Variants in SEC24A observed in about 807,000 individuals in gnomAD.
SEC24A encodes SEC24 homolog A, COPII component, also known as protein transport protein Sec24A.
In SEC24A, 93 loss-of-function variants were observed where a neutral mutation model predicts 129.4. The ratio of observed to expected loss-of-function variants is 0.72; its 90% confidence interval spans 0.61 to 0.85. The LOEUF is 0.85. Ranked by LOEUF, SEC24A falls within the 40% of genes least tolerant of loss-of-function variation. SEC24A has a pLI of 0.00. For missense variants in SEC24A, 1,264 were observed against 1,307.4 expected, an observed-to-expected ratio of 0.97 and a Z score of 0.51; for synonymous variants, 460 against 467.3, an observed-to-expected ratio of 0.98 and a Z score of 0.20.
intron 15 of SEC24A, 70 bp downstream of exon 15, chr5:134,698,127 C>T (rs1751885611): frequency 1.5e-6 from 2 of 1,298,428 alleles, no homozygotes; most frequent in Non-Finnish European, 2.1e-6. Context: ...ATGTTTTTAT[C>T]TGGTCTTATA....
chr5:134,705,480 AT>A, intron 17 of SEC24A, 43 bp downstream of exon 17: 1 of 1,255,576 alleles, frequency 8.0e-7, no homozygotes, highest in Non-Finnish European at 1.2e-6. Context: ...AAGTAATAAC[AT>A]TAGGCACATC....
intron 17 of SEC24A, among the ~76,000 whole-genome samples, chr5:134,707,578 C>T (rs928505067): frequency 1.9e-4 from 29 of 152,140 alleles, no homozygotes; most frequent in African/African-American, 7.0e-4. Context: ...ATCCACCCGC[C>T]TCGGCCTGCC....
chr5:134,723,585 G>A lies in SEC24A; in HGVS notation c.3082G>A (p.Asp1028Asn). ...PQPMTDLPEL[D>N]TPESARIIAF... ...TTAACAGACAGACCTTCCAGAACTT[G>A]ATACACCAGAATCTGCCAGAATAAT... The change falls in exon 22 of 23, where the codon GAT becomes AAT. Residue 1028 changes from aspartate (D) to asparagine (N), a missense_variant. By Grantham distance (23) the Asp-to-Asn change is conservative. Transcript: ENST00000398844. 1 of 1,612,284 alleles carries A rather than the reference G, an allele frequency of 6.2e-7. No homozygotes were observed. The highest frequency in any genetic ancestry group is 1.1e-5 in the South Asian group (1 of 90,990).
chr5:134,711,563 CTT>C lies in SEC24A; in HGVS notation c.2727+2696_2727+2697del, dbSNP rs11306983. ...AGAAAAATAAAGGACTGCTCTGCATCTTTTTTTTTTTTTTTTTTTTTTAACAG... is the reference window on the plus strand; with the variant it reads ...AGAAAAATAAAGGACTGCTCTGCATCTTTTTTTTTTTTTTTTTTTTAACAG... On this transcript the variant is annotated intron_variant, in intron 18 of 22. Coordinates refer to ENST00000398844, the MANE Select transcript of SEC24A (RefSeq NM_021982.3). Among the ~76,000 whole-genome samples, 909 of 125,372 alleles carry C rather than the reference CTT, an allele frequency of 7.3e-3. 12 individuals carry two copies. The highest frequency in any genetic ancestry group is 0.012 in the African/African-American group (401 of 34,082). 82.2% of individuals were successfully genotyped at this position (125,372 alleles called of 152,430 possible).
At chr5:134,673,497 C>G (rs1750947275) in intron 4 of SEC24A, among the ~76,000 whole-genome samples, 1 of 152,068 alleles carries the variant, frequency 6.6e-6, no homozygotes, top group Non-Finnish European at 1.5e-5. Flanking sequence ...CAGTTTCCCT[C>G]TGTCGTCCAG....
At chr5:134,715,816 C>T (rs955906499) in intron 19 of SEC24A, among the ~76,000 whole-genome samples, 4 of 147,634 alleles carry the variant, frequency 2.7e-5, no homozygotes, top group African/African-American at 5.0e-5. Context: ...ATCAAACCTG[C>T]ACGTTCTGCA....
chr5:134,690,029 T>G (rs1009941353), intron 11 of SEC24A, among the ~76,000 whole-genome samples: 3 of 152,202 alleles, frequency 2.0e-5, no homozygotes, highest in African/African-American at 7.2e-5. Flanking sequence ...TATTACATTT[T>G]TTTTTTGAGA....
chr5:134,659,078 T>TATTTATTTA (rs1355518890), intron 1 of SEC24A, among the ~76,000 whole-genome samples: 5 of 150,492 alleles, frequency 3.3e-5, no homozygotes, highest in African/African-American at 9.8e-5. Flanking sequence ...TTTATTTATT[T>TATTTATTTA]ATTTATTTAT....
rs1057375492 is a variant in SEC24A at position 134,727,786 on chromosome 5, A to G, written c.*2692A>G. On this transcript the variant is annotated 3_prime_UTR_variant, in exon 23 of 23. Transcript: ENST00000398844. ...ATTTGTCTTCCTTTTTACAGTTTGT[A>G]ATTTTCACTGTTTTATTCCTGTTAA... 1.3e-5 allele frequency: 2 copies of G among 152,482 alleles called. No homozygotes were observed. Among genetic ancestry groups the G allele is most frequent in the African/African-American group, 4.8e-5 (2 of 41,422 alleles). 9.4% of individuals were successfully genotyped at this position (152,482 alleles called of 1,614,324 possible). A position where few individuals can be genotyped will look rare whatever the true frequency, so the allele number is the denominator to read the frequency against.
intron 14 of SEC24A, 48 bp from the exon 15 acceptor site, chr5:134,697,851 T>C: frequency 1.3e-6 from 2 of 1,554,416 alleles, no homozygotes; most frequent in Admixed American, 2.0e-5. Context: ...TTTGGTGTAG[T>C]AGAAATAGTT....
chr5:134,677,781 G>A (rs890726915), intron 7 of SEC24A, among the ~76,000 whole-genome samples: 28 of 150,616 alleles, frequency 1.9e-4, no homozygotes, highest in African/African-American at 6.6e-4. Flanking sequence ...AGGTTGCAGT[G>A]AGCCAAGATC....
Position 134,679,637 on chromosome 5 carries a change from A to G in SEC24A, c.1290A>G (p.Arg430=). ...TGGTTACCTCCAGTACAATTGTGAGATGCCGTTCATGCAGGACGTACATCA... is the reference window on the plus strand; with the variant it reads ...TGGTTACCTCCAGTACAATTGTGAGGTGCCGTTCATGCAGGACGTACATCA... ...LPVVTSSTIV[R]CRSCRTYINP... Residue 430 remains arginine, a synonymous_variant, in exon 8 of 23, where the codon AGA becomes AGG. Transcript: ENST00000398844. 6.3e-7 allele frequency: 1 copy of G among 1,594,744 alleles called. No homozygotes were observed. The highest frequency in any genetic ancestry group is 8.6e-7 in the Non-Finnish European group (1 of 1,166,902).
Position 134,697,922 on chromosome 5 carries a change from G to C in SEC24A, c.2131G>C (p.Gly711Arg). ...SLGCISRYSA[G>R]SVYYYPSYHH... ...AGGTTGTATTTCTCGGTATTCAGCA[G>C]GTAGTGTCTATTACTATCCCTCTTA... Residue 711 changes from glycine (G) to arginine (R), a missense_variant, in exon 15 of 23, where the codon GGT becomes CGT. Transcript: ENST00000398844. 1 of 1,612,376 alleles carries C rather than the reference G, an allele frequency of 6.2e-7. No homozygotes were observed. The highest frequency in any genetic ancestry group is 8.5e-7 in the Non-Finnish European group (1 of 1,179,518).
chr5:134,716,275 AGATGGT>A (rs1354674616), intron 19 of SEC24A, among the ~76,000 whole-genome samples: 4 of 151,918 alleles, frequency 2.6e-5, no homozygotes, highest in Admixed American at 6.6e-5. Flanking sequence ...AGCCTGGCCA[AGATGGT>A]GATACCCTGC....
chr5:134,684,542 A>G (rs112874155), intron 9 of SEC24A, among the ~76,000 whole-genome samples: 2,505 of 151,668 alleles, frequency 0.017, 30 homozygotes, highest in African/African-American at 0.039. Context: ...GTGAAACCCC[A>G]TCTCTATTAA....
intron 7 of SEC24A, among the ~76,000 whole-genome samples, chr5:134,678,469 T>C (rs944742647): frequency 2.6e-5 from 4 of 151,824 alleles, no homozygotes; most frequent in African/African-American, 4.8e-5. Context: ...AAAACTCTTT[T>C]TTTTTGGTAG....
intron 3 of SEC24A, among the ~76,000 whole-genome samples, chr5:134,670,798 G>A (rs1349147607): frequency 3.3e-5 from 5 of 152,032 alleles, no homozygotes; most frequent in Admixed American, 3.3e-4. Context: ...GACCATCCTG[G>A]CCAACATGGT....
intron 9 of SEC24A, among the ~76,000 whole-genome samples, chr5:134,686,338 G>T (rs1751450786): frequency 6.6e-6 from 1 of 151,634 alleles, no homozygotes; most frequent in South Asian, 2.1e-4. Context: ...AGGTTCAAGT[G>T]ATCCTCCTGC....
chr5:134,724,632 A>G (rs986218159), intron 22 of SEC24A, among the ~76,000 whole-genome samples: 3 of 151,856 alleles, frequency 2.0e-5, no homozygotes, highest in African/African-American at 7.3e-5. Context: ...GTATATATAT[A>G]CCACATTTGA....
Sources: allele counts gnomAD v4.1 joint callset (sites outside exome capture counted in the v4.1 genomes callset), GRCh38; gene constraint gnomAD v4.1.1; transcripts MANE v1.5; gene names NCBI Gene and HGNC (gene_info 2026-07-23, HGNC 2026-07-21).